The following COL12A1 variants were observed in gnomAD, a reference collection of about 807,000 sequenced individuals.
The protein encoded by COL12A1 is collagen alpha-1(XII) chain.
Under a neutral mutation model 349.7 loss-of-function variants are expected in COL12A1, and 114 were observed. The ratio of observed to expected loss-of-function variants is 0.33; its 90% CI spans 0.28 to 0.38. COL12A1 has a LOEUF of 0.38. Ranked by LOEUF, COL12A1 falls within the 10% of genes least tolerant of loss-of-function variation. The pLI is 1.00. For synonymous variants in COL12A1, 1,369 were observed against 1,329.0 expected (o/e 1.03, Z -0.66); for missense variants, 3,284 against 3,756.9 (o/e 0.87, Z 3.29).
Position 75,090,283 on chromosome 6 carries a change from A to C in COL12A1, c.8768T>G (p.Phe2923Cys). ...EQLISGQMNR[F>C]NQMLNQIPND... ...TGGAATCTGATTCAGCATCTGATTG[A>C]ATCTGTTCATCTGACCTACAAGCAG... Residue 2923 changes from phenylalanine (F) to cysteine (C), a missense_variant, in exon 63 of 66, where the codon TTC becomes TGC. Phe to Cys is a radical substitution (Grantham distance 205). Transcript: ENST00000322507. The surrounding 1 kb of genome is among the most constrained non-coding windows in gnomAD (Gnocchi z 4.1). 1 of 1,609,180 alleles carries C rather than the reference A, an allele frequency of 6.2e-7. No individual in the cohort carries two copies. Among genetic ancestry groups the C allele is most frequent in the Non-Finnish European group, 8.5e-7 (1 of 1,176,114 alleles).
At chr6:75,141,018 T>C (rs1465741847) in intron 27 of COL12A1, among the ~76,000 whole-genome samples, 1 of 152,210 alleles carries the variant, frequency 6.6e-6, no homozygotes, top group African/African-American at 2.4e-5. Context: ...TAATAATTAT[T>C]GTACTGATAG....
intron 13 of COL12A1, among the ~76,000 whole-genome samples, chr6:75,170,083 AT>A (rs1007505539): frequency 1.0e-3 from 157 of 152,316 alleles, no homozygotes; most frequent in African/African-American, 3.5e-3. Flanking sequence ...CTAATGCCTC[AT>A]TTAAGTAACT....
Position 75,134,793 on chromosome 6 carries a change from G to A in COL12A1, c.5457C>T (p.Tyr1819=). The change falls in exon 32 of 66, where the codon TAC becomes TAT. Residue 1819 remains tyrosine, a synonymous_variant. Transcript: ENST00000322507. ...VLQKLKPDTP[Y]TITVSSLYPD... ...GATACAGAGAGGATACGGTGATAGT[G>A]TAAGGAGTGTCTGGCTTCAGTTTCT... The A allele has an allele frequency of 6.2e-7, 1 of 1,613,522 alleles. No homozygotes were observed. Among genetic ancestry groups the A allele is most frequent in the Non-Finnish European group, 8.5e-7 (1 of 1,179,598 alleles).
At chr6:75,151,057 T>TGGGGGG in intron 21 of COL12A1, 84 bp downstream of exon 21, 1 of 426,060 alleles carries the variant, frequency 2.3e-6, no homozygotes, top group Non-Finnish European at 4.5e-6. Context: ...CACAAAATAG[T>TGGGGGG]GCCCTCCCCC....
rs1770205445 is a variant in COL12A1 at position 75,195,912 on chromosome 6, T to A, written c.74-965A>T. 2.6e-5 allele frequency among the ~76,000 whole-genome samples: 4 copies of A among 152,166 alleles called. No homozygotes were observed. The South Asian group carries it at 8.3e-4, about 31-fold the overall frequency. ...AGGATCAGTGATCTGAAGACATGACTGCGCATAAAAACTTGGAAAAGTCAA... is the reference window on the plus strand; with the variant it reads ...AGGATCAGTGATCTGAAGACATGACAGCGCATAAAAACTTGGAAAAGTCAA... On this transcript the variant is annotated intron_variant, in intron 2 of 65. Coordinates refer to ENST00000322507, the MANE Select transcript of COL12A1 (RefSeq NM_004370.6).
In COL12A1 at chr6:75,165,606, T is replaced by C. The variant is rs1294327331; in HGVS notation, c.2884A>G (p.Ile962Val). Reference protein sequence around the residue: ...NLPEDAIHTMIENLQPETKYR... With the variant: ...NLPEDAIHTMVENLQPETKYR... ...TTGGTCTCTGGCTGCAGATTTTCTA[T>C]CATCGTATGAATTGCATCTTCAGGC... Residue 962 changes from isoleucine (I) to valine (V), a missense_variant, in exon 14 of 66, where the codon ATA (isoleucine) becomes GTA (valine). Physicochemically the swap from Ile to Val is conservative, Grantham distance 29. Coordinates refer to ENST00000322507, the MANE Select transcript of COL12A1 (RefSeq NM_004370.6). 2 of 1,614,016 alleles carry C rather than the reference T, an allele frequency of 1.2e-6. No individual in the cohort carries two copies. The highest frequency in any genetic ancestry group is 1.7e-6 in the Non-Finnish European group (2 of 1,179,942).
At chr6:75,126,775 C>T (rs943733998) in intron 38 of COL12A1, among the ~76,000 whole-genome samples, 7 of 152,180 alleles carry the variant, frequency 4.6e-5, no homozygotes, top group African/African-American at 1.7e-4. Context: ...AAAGAGATCT[C>T]AAATCATTTT....
chr6:75,135,699 G>C (rs1766573123), intron 31 of COL12A1, among the ~76,000 whole-genome samples: 1 of 152,116 alleles, frequency 6.6e-6, no homozygotes, highest in Non-Finnish European at 1.5e-5. Flanking sequence ...ATCCACTCAA[G>C]TAGTCTGAAT....
chr6:75,159,821 C>T (rs1767945451), intron 14 of COL12A1, among the ~76,000 whole-genome samples: 1 of 151,222 alleles, frequency 6.6e-6, no homozygotes, highest in East Asian at 1.9e-4. Flanking sequence ...GGATGCCAAG[C>T]TTTAAAATGT....
chr6:75,193,628 C>T (rs145412262), intron 3 of COL12A1, among the ~76,000 whole-genome samples: 2,320 of 152,218 alleles, frequency 0.015, 19 homozygotes, highest in Non-Finnish European at 0.021. Flanking sequence ...GTGTGCACAA[C>T]GTGCAGGTTT....
intron 14 of COL12A1, among the ~76,000 whole-genome samples, chr6:75,161,012 G>T (rs180692866): frequency 2.6e-5 from 4 of 152,154 alleles, no homozygotes; most frequent in South Asian, 2.1e-4. Context: ...CCAGTTAAGG[G>T]TCACAGTGGA....
At chr6:75,131,119 A>T in intron 35 of COL12A1, 138 bp from the exon 36 acceptor site, 1 of 1,148,020 alleles carries the variant, frequency 8.7e-7, no homozygotes, top group Non-Finnish European at 1.2e-6. Context: ...TCTCCATAAG[A>T]TCCACCCAGA....
chr6:75,125,819 A>G (rs1270855675), intron 39 of COL12A1, among the ~76,000 whole-genome samples: 1 of 152,108 alleles, frequency 6.6e-6, no homozygotes, highest in Non-Finnish European at 1.5e-5. Flanking sequence ...GATATATGGA[A>G]GATGCCCTAA....
In COL12A1 at chr6:75,126,456, G is replaced by A. The variant is rs759184604; in HGVS notation, c.6355C>T (p.Pro2119Ser). Residue 2119 changes from proline (P) to serine (S), a missense_variant, in exon 39 of 66, where the codon CCT (proline) becomes TCT (serine). Physicochemically the swap from Pro to Ser is moderately conservative, Grantham distance 74 (BLOSUM62 -1). This residue lies in a region of COL12A1 where 2,601 missense variants were observed against 2,824.8 expected (regional missense o/e 0.92). Transcript: ENST00000322507. ...GNGRTVGLLP[P>S]QNIHISDEWY... ...TCGTCAGAGATGTGTATGTTCTGAGGAGGAAGGAGTCCCACTGAAAACAAA... is the reference window on the plus strand; with the variant it reads ...TCGTCAGAGATGTGTATGTTCTGAGAAGGAAGGAGTCCCACTGAAAACAAA... 8.7e-6 allele frequency: 14 copies of A among 1,610,274 alleles called. No homozygotes were observed. The highest frequency in any genetic ancestry group is 1.2e-5 in the Non-Finnish European group (14 of 1,177,158).
intron 22 of COL12A1, 79 bp from the exon 23 acceptor site, chr6:75,147,883 A>C: frequency 6.9e-7 from 1 of 1,454,798 alleles, no homozygotes; most frequent in Non-Finnish European, 9.3e-7. Flanking sequence ...AAAGTAGTTA[A>C]CTGCAGTGAG....
At chr6:75,121,197 G>A (rs1213898030) in intron 44 of COL12A1, 105 bp downstream of exon 44, 3 of 1,081,846 alleles carry the variant, frequency 2.8e-6, no homozygotes, top group Admixed American at 2.8e-5. Context: ...AATAGGAGAA[G>A]GTCAAAACAG....
intron 14 of COL12A1, among the ~76,000 whole-genome samples, chr6:75,164,266 A>C (rs1562257091): frequency 6.6e-6 from 1 of 152,182 alleles, no homozygotes; most frequent in Non-Finnish European, 1.5e-5. Context: ...CTGAGCTTGC[A>C]AATGATAAAA....
chr6:75,196,724 C>T (rs984210281), intron 2 of COL12A1, among the ~76,000 whole-genome samples: 2 of 152,094 alleles, frequency 1.3e-5, no homozygotes, highest in African/African-American at 4.8e-5. Context: ...AGCAATGGCT[C>T]AGGACAAATT....
chr6:75,202,358 G>A (rs1264284934), intron 2 of COL12A1, among the ~76,000 whole-genome samples: 1 of 152,242 alleles, frequency 6.6e-6, no homozygotes, highest in African/African-American at 2.4e-5. Context: ...GGGCTCCTGG[G>A]TGCCACCCGG....
Sources: gnomAD v4.1 joint callset for allele counts (sites outside exome capture counted in the v4.1 genomes callset) on GRCh38, gnomAD v4.1.1 for gene constraint, gnomAD v4.1.1 regional missense constraint, Gnocchi (gnomAD v3.1) non-coding constraint, MANE v1.5 for transcripts, NCBI Gene and HGNC (gene_info 2026-07-23, HGNC 2026-07-21) for gene names.